The following DLGAP2 variants were observed in gnomAD, a reference collection of about 807,000 sequenced individuals.
DLGAP2 encodes the protein disks large-associated protein 2.
DLGAP2 carries 26 observed loss-of-function variants against 100.3 expected under a neutral mutation model. The observed-to-expected ratio is 0.26, with a 90% CI of 0.19 to 0.36. DLGAP2 has a LOEUF of 0.36. Among genes scored for constraint, DLGAP2 ranks in the 10% least tolerant of loss-of-function variants. The probability of loss-of-function intolerance (pLI) is 1.00; values close to 1 mark genes in which losing one functional copy is unlikely to be tolerated. For missense variants in DLGAP2, 1,858 were observed against 1,453.2 expected (o/e 1.28, Z -4.53); for synonymous variants, 886 against 630.1 (o/e 1.41, Z -6.08).
At chr8:876,127 A>G (rs1474358050) in intron 1 of DLGAP2, among the ~76,000 whole-genome samples, 3 of 152,190 alleles carry the variant, frequency 2.0e-5, no homozygotes, top group African/African-American at 4.8e-5. Context: ...AAGCTTTTTC[A>G]TATGTATTAT....
chr8:1,590,390 C>T (rs866561308), intron 6 of DLGAP2, among the ~76,000 whole-genome samples: 1 of 152,162 alleles, frequency 6.6e-6, no homozygotes, highest in East Asian at 1.9e-4. Context: ...GTTTCTGAAA[C>T]TTATTTCCAT....
chr8:795,495 C>T (rs1037224440), intron 1 of DLGAP2, among the ~76,000 whole-genome samples: 5 of 152,186 alleles, frequency 3.3e-5, no homozygotes, highest in African/African-American at 9.7e-5. Context: ...CAAATCTGGA[C>T]CAAATAAAGC....
chr8:878,055 A>G lies in DLGAP2; in HGVS notation c.19-29857A>G, dbSNP rs139893823. Among the ~76,000 whole-genome samples the G allele has an allele frequency of 3.0e-4, 45 of 152,250 alleles. 1 individual carries two copies. The highest frequency in any genetic ancestry group is 1.0e-3 in the African/African-American group (42 of 41,558). On this transcript the variant is annotated intron_variant, in intron 1 of 14. Transcript: ENST00000637795. ...AATGGACCATTTTCAGAGACTGTAG[A>G]TGTTTTGTTGTTGTCTATAATTTTC...
chr8:1,480,771 C>G (rs1799068607), intron 3 of DLGAP2, among the ~76,000 whole-genome samples: 1 of 151,730 alleles, frequency 6.6e-6, no homozygotes, highest in Non-Finnish European at 1.5e-5. Context: ...GAGGCTGAGG[C>G]AGGAGAATCG....
intron 3 of DLGAP2, among the ~76,000 whole-genome samples, chr8:1,445,188 T>C (rs1797950758): frequency 6.7e-6 from 1 of 150,164 alleles, no homozygotes; most frequent in Non-Finnish European, 1.5e-5. Context: ...GCTGCACCCA[T>C]TAACTCGTCA....
intron 6 of DLGAP2, among the ~76,000 whole-genome samples, chr8:1,619,508 C>T (rs578255754): frequency 1.1e-4 from 17 of 152,124 alleles, no homozygotes; most frequent in Non-Finnish European, 2.1e-4. Context: ...GGTAAGTTTA[C>T]CTTGTTCTTT....
intron 3 of DLGAP2, among the ~76,000 whole-genome samples, chr8:1,291,778 C>A (rs533848547): frequency 2.6e-5 from 4 of 152,232 alleles, no homozygotes; most frequent in South Asian, 2.1e-4. Context: ...CCCCCGGGGG[C>A]CAGTTTTCAT....
intron 4 of DLGAP2, among the ~76,000 whole-genome samples, chr8:1,542,381 T>G (rs1801392108): frequency 6.6e-6 from 1 of 152,214 alleles, no homozygotes. Context: ...AGCAACCCTG[T>G]GCCTTAGCAG....
At chr8:847,756 C>G (rs990483721) in intron 1 of DLGAP2, among the ~76,000 whole-genome samples, 1 of 152,202 alleles carries the variant, frequency 6.6e-6, no homozygotes, top group Non-Finnish European at 1.5e-5. Context: ...ATCCGCCTAC[C>G]TCGGCCTCCC....
chr8:1,188,291 C>CGG (rs1797557503), intron 2 of DLGAP2, among the ~76,000 whole-genome samples: 3 of 129,828 alleles, frequency 2.3e-5, no homozygotes, highest in Admixed American at 7.6e-5. Flanking sequence ...GTTTGCCTCA[C>CGG]AGAATCTCAC....
intron 12 of DLGAP2, among the ~76,000 whole-genome samples, chr8:1,680,066 C>CT (rs1358897762): frequency 2.0e-5 from 3 of 151,974 alleles, no homozygotes; most frequent in African/African-American, 4.8e-5. Flanking sequence ...CTAATACCAC[C>CT]TGTCTTTGTT....
intron 3 of DLGAP2, among the ~76,000 whole-genome samples, chr8:1,279,335 G>T (rs910314032): frequency 4.6e-5 from 7 of 152,210 alleles, no homozygotes; most frequent in African/African-American, 1.7e-4. Context: ...TGCCTGCCAT[G>T]AATGAAGCTC....
At chr8:1,412,723 C>CA (rs1393423338) in intron 3 of DLGAP2, among the ~76,000 whole-genome samples, 2 of 152,186 alleles carry the variant, frequency 1.3e-5, no homozygotes, top group East Asian at 3.8e-4. Flanking sequence ...TGTTCTTGGG[C>CA]ACTTAGCAAG....
chr8:1,477,199 C>A (rs1421352399), intron 3 of DLGAP2, among the ~76,000 whole-genome samples: 1 of 151,762 alleles, frequency 6.6e-6, no homozygotes, highest in Admixed American at 6.6e-5. Flanking sequence ...TGGATGCGCA[C>A]CTGTCCAGGA....
chr8:1,470,051 G>A (rs1165983839), intron 3 of DLGAP2, among the ~76,000 whole-genome samples: 3 of 151,768 alleles, frequency 2.0e-5, no homozygotes, highest in African/African-American at 7.3e-5. Context: ...GATCCCAGCT[G>A]CTCATGAGGT....
intron 12 of DLGAP2, among the ~76,000 whole-genome samples, chr8:1,685,181 ACAGCGGTCAG>A (rs1799082801): frequency 6.6e-6 from 1 of 152,192 alleles, no homozygotes. Flanking sequence ...TGGCACTCAC[ACAGCGGTCAG>A]CAGCTGACAA....
chr8:1,264,397 A>G (rs1799411208), intron 3 of DLGAP2, among the ~76,000 whole-genome samples: 1 of 152,194 alleles, frequency 6.6e-6, no homozygotes, highest in Non-Finnish European at 1.5e-5. Context: ...TGAGAAAAGA[A>G]CTGGAAAAAC....
intron 2 of DLGAP2, among the ~76,000 whole-genome samples, chr8:1,129,040 C>T (rs757098546): frequency 1.3e-5 from 2 of 152,212 alleles, no homozygotes; most frequent in Non-Finnish European, 2.9e-5. Context: ...GAAATCAAAA[C>T]AAACTCACAA....
At chr8:1,392,882 CGTTTCT>C (rs1796403214) in intron 3 of DLGAP2, among the ~76,000 whole-genome samples, 2 of 141,260 alleles carry the variant, frequency 1.4e-5, no homozygotes, top group Non-Finnish European at 3.0e-5. Flanking sequence ...TTAAATGTGA[CGTTTCT>C]GTTTTTTTTT....
Sources: allele counts gnomAD v4.1 joint callset (sites outside exome capture counted in the v4.1 genomes callset), GRCh38; gene constraint gnomAD v4.1.1; transcripts MANE v1.5; gene names NCBI Gene and HGNC (gene_info 2026-07-23, HGNC 2026-07-21).